ZFYVE9: variants seen among roughly 807,000 people sequenced by gnomAD.
The protein encoded by ZFYVE9 is zinc finger FYVE-type containing 9.
A neutral mutation model predicts 126.7 loss-of-function variants in ZFYVE9; 43 were observed. That is an observed-to-expected ratio of 0.34 (90% CI 0.27 to 0.44). The LOEUF (loss-of-function observed/expected upper bound fraction) is 0.44. Ranked by LOEUF, ZFYVE9 falls within the 20% of genes least tolerant of loss-of-function variation. The pLI is 1.00. For synonymous variants in ZFYVE9, 521 were observed against 597.4 expected, an observed-to-expected ratio of 0.87 and a Z score of 1.87; for missense variants, 1,476 against 1,697.0, an observed-to-expected ratio of 0.87 and a Z score of 2.29.
At chr1:52,143,487 A>C (rs1310338647) in intron 1 of ZFYVE9, among the ~76,000 whole-genome samples, 2 of 152,184 alleles carry the variant, frequency 1.3e-5, no homozygotes, top group Non-Finnish European at 1.5e-5. Flanking sequence ...AAATATGCTT[A>C]TTGTAGAAAA....
chr1:52,338,559 C>A (rs1460768344), intron 16 of ZFYVE9, among the ~76,000 whole-genome samples: 1 of 152,170 alleles, frequency 6.6e-6, no homozygotes, highest in Non-Finnish European at 1.5e-5. Flanking sequence ...AACTTTGTAT[C>A]CTTTCTCAAA....
At chr1:52,205,815 G>C (rs1644973179) in intron 1 of ZFYVE9, among the ~76,000 whole-genome samples, 1 of 152,038 alleles carries the variant, frequency 6.6e-6, no homozygotes, top group African/African-American at 2.4e-5. Flanking sequence ...TGTTACTCTT[G>C]GTTCACACAA....
intron 12 of ZFYVE9, among the ~76,000 whole-genome samples, chr1:52,296,926 C>A (rs1645981450): frequency 6.6e-6 from 1 of 152,120 alleles, no homozygotes; most frequent in African/African-American, 2.4e-5. Flanking sequence ...CGTGCCTGAG[C>A]CTCCTGAGCA....
At chr1:52,255,898 T>TTTTCTTTTC (rs1645503061) in intron 4 of ZFYVE9, among the ~76,000 whole-genome samples, 3 of 102,056 alleles carry the variant, frequency 2.9e-5, no homozygotes, top group East Asian at 3.2e-4. Context: ...CTATTTTGCT[T>TTTTCTTTTC]TTTTCTTTTC....
chr1:52,146,793 A>G (rs1644310164), intron 1 of ZFYVE9, among the ~76,000 whole-genome samples: 1 of 152,228 alleles, frequency 6.6e-6, no homozygotes, highest in Non-Finnish European at 1.5e-5. Context: ...GGAGGAACCA[A>G]GGTGTCAGTA....
intron 1 of ZFYVE9, among the ~76,000 whole-genome samples, chr1:52,178,050 C>A (rs1036159896): frequency 6.6e-6 from 1 of 150,416 alleles, no homozygotes; most frequent in Non-Finnish European, 1.5e-5. Context: ...GAGGCCGAGG[C>A]GGGTAGATCA....
chr1:52,173,517 A>C (rs1644592711), intron 1 of ZFYVE9, among the ~76,000 whole-genome samples: 1 of 152,314 alleles, frequency 6.6e-6, no homozygotes, highest in East Asian at 1.9e-4. Flanking sequence ...CTGGCCTCAT[A>C]AAATGAGTTA....
rs563253886 is a variant in ZFYVE9 at position 52,201,350 on chromosome 1, C to T, written c.-142-15019C>T. Among the ~76,000 whole-genome samples, 7 of 149,374 alleles carry T rather than the reference C, an allele frequency of 4.7e-5. No homozygotes were observed. In the East Asian group the frequency reaches 1.4e-3, roughly 29 times the overall value. On this transcript the variant is annotated intron_variant, in intron 1 of 18. Coordinates refer to ENST00000287727, the MANE Select transcript of ZFYVE9 (RefSeq NM_004799.4). ...GTATCCTGTAACCCTGCTATAGTCA[C>T]TTATTCCTGGAGGGTTTTTGGTAAT...
At chr1:52,291,885 CAAAAAAAAAA>C (rs1171027696) in intron 10 of ZFYVE9, among the ~76,000 whole-genome samples, 1 of 58,738 alleles carries the variant, frequency 1.7e-5, no homozygotes, top group Non-Finnish European at 3.7e-5. Context: ...GACTCTGTCT[CAAAAAAAAAA>C]AAAAAAAAAA....
At chr1:52,321,252 T>C (rs1646237254) in intron 13 of ZFYVE9, among the ~76,000 whole-genome samples, 1 of 152,206 alleles carries the variant, frequency 6.6e-6, no homozygotes, top group Admixed American at 6.5e-5. Flanking sequence ...ATTTCATAGG[T>C]TCTTTGTAGC....
intron 2 of ZFYVE9, among the ~76,000 whole-genome samples, chr1:52,223,395 T>C (rs1222940697): frequency 6.6e-6 from 1 of 152,132 alleles, no homozygotes; most frequent in East Asian, 1.9e-4. Context: ...TGTTGAAGAG[T>C]TCCCTGTTGT....
At chr1:52,233,472 G>A (rs1392714837) in intron 3 of ZFYVE9, among the ~76,000 whole-genome samples, 196 bp downstream of exon 3, 4 of 152,076 alleles carry the variant, frequency 2.6e-5, no homozygotes, top group African/African-American at 9.7e-5. Flanking sequence ...AGATCTTATT[G>A]CCATTTTATA....
chr1:52,251,621 A>T (rs375843334), intron 4 of ZFYVE9, among the ~76,000 whole-genome samples: 59 of 151,940 alleles, frequency 3.9e-4, no homozygotes, highest in African/African-American at 1.3e-3. Context: ...TGAGTTTTGT[A>T]TCAGTATACA....
Position 52,303,919 on chromosome 1 carries a change from C to T in ZFYVE9, c.3432C>T (p.Tyr1144=). The T allele has an allele frequency of 6.3e-7, 1 of 1,596,832 alleles. No individual in the cohort carries two copies. Among genetic ancestry groups the T allele is most frequent in the Non-Finnish European group, 8.5e-7 (1 of 1,171,916 alleles). The change falls in exon 13 of 19, where the codon TAC becomes TAT. Residue 1144 remains tyrosine (Y), a synonymous_variant. Transcript: ENST00000287727. ...GCATCAAAATTCCCAGCAACAGATACAATGAGGTAAGATTTACCATGAAGG... is the reference window on the plus strand; with the variant it reads ...GCATCAAAATTCCCAGCAACAGATATAATGAGGTAAGATTTACCATGAAGG... ...KTSIKIPSNR[Y]NEMMKAMNKS...
chr1:52,274,386 C>A, intron 7 of ZFYVE9, 78 bp from the exon 8 acceptor site: 1 of 1,439,630 alleles, frequency 6.9e-7, no homozygotes, highest in East Asian at 2.4e-5. Flanking sequence ...ACTTAAGTTC[C>A]CATTTGTATT....
In ZFYVE9 at chr1:52,309,355, C is replaced by T. The variant is rs1321886955; in HGVS notation, c.3438+5430C>T. Among the ~76,000 whole-genome samples, 6 of 152,084 alleles carry T rather than the reference C, an allele frequency of 3.9e-5. No individual in the cohort carries two copies. In the South Asian group the frequency reaches 8.3e-4, roughly 21 times the overall value. ...TAGCTGGGCATGGTGGCGCATGCCCCGTAGTCCCAGCTACTTGGGAGGCTG... is the reference window on the plus strand; with the variant it reads ...TAGCTGGGCATGGTGGCGCATGCCCTGTAGTCCCAGCTACTTGGGAGGCTG... On this transcript the variant is annotated intron_variant, in intron 13 of 18. Coordinates refer to ENST00000287727, the MANE Select transcript of ZFYVE9 (RefSeq NM_004799.4).
chr1:52,168,695 T>C (rs1049549451), intron 1 of ZFYVE9, among the ~76,000 whole-genome samples: 12 of 151,872 alleles, frequency 7.9e-5, no homozygotes, highest in Non-Finnish European at 1.8e-4. Context: ...TTTTACTATT[T>C]TGTAGAGACA....
At chr1:52,286,593 T>G (rs1337737935) in intron 10 of ZFYVE9, among the ~76,000 whole-genome samples, 3 of 152,380 alleles carry the variant, frequency 2.0e-5, no homozygotes, top group Non-Finnish European at 4.4e-5. Flanking sequence ...TGTTTCTCCC[T>G]GTCTCCTATT....
intron 4 of ZFYVE9, chr1:52,252,149 A>G (rs2180768): frequency 0.92 from 144,741 of 157,508 alleles, 66,694 homozygotes; most frequent in East Asian, 1. Context: ...ATTTAAGAGC[A>G]TCATTTGTCA....
Sources: allele counts gnomAD v4.1 joint callset (sites outside exome capture counted in the v4.1 genomes callset), GRCh38; gene constraint gnomAD v4.1.1; transcripts MANE v1.5; gene names NCBI Gene and HGNC (gene_info 2026-07-23, HGNC 2026-07-21).